APIP: variants seen among roughly 807,000 people sequenced by gnomAD.
APIP encodes the protein APAF1 interacting protein.
APIP carries 32 observed loss-of-function variants against 32.0 expected under a neutral mutation model. The ratio of observed to expected loss-of-function variants is 1.00; its 90% confidence interval spans 0.76 to 1.34. The LOEUF (loss-of-function observed/expected upper bound fraction) is 1.34, where lower values mean the gene tolerates loss of function less well. APIP is among the 40% of genes most tolerant of loss of function. The pLI is 0.00. For synonymous variants in APIP, 92 were observed against 94.8 expected, an observed-to-expected ratio of 0.97 and a Z score of 0.17; for missense variants, 247 against 298.6, an observed-to-expected ratio of 0.83 and a Z score of 1.27.
Position 34,882,582 on chromosome 11 carries a change from G to A in APIP, c.*135C>T, listed in dbSNP as rs1189384776. On this transcript the variant is annotated 3_prime_UTR_variant, in exon 7 of 7. Coordinates refer to ENST00000395787, the MANE Select transcript of APIP (RefSeq NM_015957.4). ...AACATCCAATGTCAGAAGAGATTCA[G>A]GGTGACCATTTGCAGTATTTAGTGG... The A allele has an allele frequency of 7.1e-6, 4 of 564,408 alleles. No homozygotes were observed. The East Asian group carries it at 1.2e-4, about 17-fold the overall frequency. The allele number at this position is 564,408 out of a possible 1,614,324, so 35.0% of individuals were successfully genotyped here. A position where few individuals can be genotyped will look rare whatever the true frequency, so the allele number is the denominator to read the frequency against.
At chr11:34,887,519 C>T (rs2985392) in intron 5 of APIP, among the ~76,000 whole-genome samples, 91,382 of 152,080 alleles carry the variant, frequency 0.6, 28,495 homozygotes, top group East Asian at 0.74. Flanking sequence ...TTTAAACATG[C>T]ACATTCCATT....
At chr11:34,897,772 A>G (rs1295837253) in intron 1 of APIP, among the ~76,000 whole-genome samples, 5 of 152,084 alleles carry the variant, frequency 3.3e-5, no homozygotes, top group African/African-American at 1.2e-4. Context: ...TGTGCAGAAC[A>G]TCATGGTGGC....
Position 34,916,156 on chromosome 11 carries a change from C to T in APIP, c.57+72G>A, listed in dbSNP as rs563821039. On this transcript the variant is annotated intron_variant, in intron 1 of 6. Transcript: ENST00000395787. ...AACGCCCGGCCCGCTACCCTGCGCCCAGCTCCAGCCGCCGGGTCCCGCCTG... is the reference window on the plus strand; with the variant it reads ...AACGCCCGGCCCGCTACCCTGCGCCTAGCTCCAGCCGCCGGGTCCCGCCTG... 84 of 1,555,458 alleles carry T rather than the reference C, an allele frequency of 5.4e-5. No individual in the cohort carries two copies. In the African/African-American group the frequency reaches 9.0e-4, roughly 17 times the overall value.
intron 1 of APIP, among the ~76,000 whole-genome samples, chr11:34,912,719 G>A (rs537084470): frequency 6.6e-6 from 1 of 152,196 alleles, no homozygotes; most frequent in Non-Finnish European, 1.5e-5. Flanking sequence ...TTGAACACTG[G>A]ACTCCAAGTT....
chr11:34,907,642 G>T (rs1266963154), intron 1 of APIP, among the ~76,000 whole-genome samples: 1 of 152,100 alleles, frequency 6.6e-6, no homozygotes, highest in African/African-American at 2.4e-5. Context: ...AAGAAGGAAA[G>T]GTTCAATTGG....
Position 34,891,966 on chromosome 11 carries a change from T to C in APIP, c.159-1414A>G, listed in dbSNP as rs547025772. 2.2e-3 allele frequency among the ~76,000 whole-genome samples: 335 copies of C among 152,264 alleles called. 2 individuals carry two copies. The highest frequency in any genetic ancestry group is 2.3e-3 in the Non-Finnish European group (156 of 68,006). ...GTCTTCTTATGTGGGGAGAAATTTA[T>C]GCAGTCCTGGGAATAGACTCAAATA... On this transcript the variant is annotated intron_variant, in intron 2 of 6. Coordinates refer to ENST00000395787, the MANE Select transcript of APIP (RefSeq NM_015957.4).
chr11:34,885,295 G>GTA (rs1228891282), intron 5 of APIP, among the ~76,000 whole-genome samples: 2 of 148,460 alleles, frequency 1.3e-5, no homozygotes, highest in African/African-American at 5.0e-5. Context: ...ACATATAAAG[G>GTA]TATATATATA....
At chr11:34,903,531 G>A (rs1035002230) in intron 1 of APIP, among the ~76,000 whole-genome samples, 3 of 152,170 alleles carry the variant, frequency 2.0e-5, no homozygotes, top group Admixed American at 6.5e-5. Flanking sequence ...CCAATGGACC[G>A]CCTGTAAAAT....
intron 2 of APIP, among the ~76,000 whole-genome samples, chr11:34,894,255 T>C (rs1853229567): frequency 6.6e-6 from 1 of 152,156 alleles, no homozygotes; most frequent in Admixed American, 6.5e-5. Flanking sequence ...GAATACAGAT[T>C]AGCAGGCACT....
intron 1 of APIP, among the ~76,000 whole-genome samples, chr11:34,902,389 G>A (rs1466446515): frequency 6.6e-6 from 1 of 152,212 alleles, no homozygotes; most frequent in Non-Finnish European, 1.5e-5. Flanking sequence ...TTCTCAGGAA[G>A]GCACCGAAGC....
intron 5 of APIP, among the ~76,000 whole-genome samples, chr11:34,883,943 T>C (rs1853015066): frequency 6.6e-6 from 1 of 152,194 alleles, no homozygotes; most frequent in African/African-American, 2.4e-5. Context: ...TTCTGCAGAA[T>C]CCCAAAGTAT....
chr11:34,889,061 A>G (rs1245086893), intron 3 of APIP, among the ~76,000 whole-genome samples, 192 bp from the exon 4 acceptor site: 1 of 152,076 alleles, frequency 6.6e-6, no homozygotes, highest in African/African-American at 2.4e-5. Context: ...TTTTAAATAT[A>G]TAATTATAGT....
At chr11:34,890,799 A>C in intron 2 of APIP, 1 of 291,180 alleles carries the variant, frequency 3.4e-6, no homozygotes, top group Non-Finnish European at 6.4e-6. Context: ...TATTCTTTTT[A>C]TAGTGCAAAG....
intron 1 of APIP, among the ~76,000 whole-genome samples, chr11:34,899,807 C>G (rs563935436): frequency 6.6e-6 from 1 of 152,122 alleles, no homozygotes; most frequent in Non-Finnish European, 1.5e-5. Flanking sequence ...TAGGAACTAG[C>G]GAGGGAAAAT....
At chr11:34,915,966 TCA>T (rs1853671390) in intron 1 of APIP, 5 of 571,538 alleles carry the variant, frequency 8.7e-6, no homozygotes, top group Admixed American at 3.2e-5. Context: ...CTCTCCTCTC[TCA>T]GTTATTTGCT....
chr11:34,882,882 A>G (rs1197298319), intron 6 of APIP, 66 bp from the exon 7 acceptor site: 13 of 1,110,162 alleles, frequency 1.2e-5, no homozygotes, highest in Admixed American at 2.0e-5. Flanking sequence ...CTAAAGAATC[A>G]CATTTCTCCT....
intron 1 of APIP, among the ~76,000 whole-genome samples, chr11:34,897,420 T>C (rs558289728): frequency 2.0e-5 from 3 of 152,338 alleles, no homozygotes; most frequent in African/African-American, 7.2e-5. Context: ...TCTGACACAA[T>C]GTCAGTTTCC....
At position 34,896,888 on chromosome 11, in the gene APIP, C is replaced by G. The variant is rs1010591225; in HGVS notation, c.58-1778G>C. 24 of 1,119,838 alleles carry G rather than the reference C, an allele frequency of 2.1e-5. No individual in the cohort carries two copies. The Middle Eastern group carries it at 2.7e-3, about 128-fold the overall frequency. The allele number at this position is 1,119,838 out of a possible 1,614,324, so 69.4% of individuals were successfully genotyped here. On this transcript the variant is annotated intron_variant, in intron 1 of 6. Coordinates refer to ENST00000395787, the MANE Select transcript of APIP (RefSeq NM_015957.4). ...CATGAGACAAAACCCAGGGCCTGAT[C>G]AATTCCAGGAAACCTAATGAAAAAT...
chr11:34,915,816 C>T lies in APIP; in HGVS notation c.57+412G>A, dbSNP rs3763932. The T allele has an allele frequency of 0.16, 38,196 of 236,070 alleles. 4,595 individuals are homozygous for T. Among genetic ancestry groups the T allele is most frequent in the African/African-American group, 0.39 (17,005 of 43,712 alleles). The allele number at this position is 236,070 out of a possible 1,614,324, so 14.6% of individuals were successfully genotyped here. On this transcript the variant is annotated intron_variant, in intron 1 of 6. Coordinates refer to ENST00000395787, the MANE Select transcript of APIP (RefSeq NM_015957.4). ...AAACGTCTCCCGAGTGCCAAACGTC[C>T]CCCCAAACGCCTAACTGGTCGTCAG...
Sources: gnomAD v4.1 joint callset for allele counts (sites outside exome capture counted in the v4.1 genomes callset) on GRCh38, gnomAD v4.1.1 for gene constraint, MANE v1.5 for transcripts, NCBI Gene and HGNC (gene_info 2026-07-23, HGNC 2026-07-21) for gene names.